The following DLGAP4 variants were observed in gnomAD, a reference collection of about 807,000 sequenced individuals.
DLGAP4 encodes disks large-associated protein 4.
In DLGAP4, 18 loss-of-function variants were observed where a neutral mutation model predicts 86.9. The observed-to-expected ratio is 0.21, with a 90% confidence interval of 0.14 to 0.31. The LOEUF is 0.31. Among genes scored for constraint, DLGAP4 ranks in the 10% least tolerant of loss-of-function variants. The pLI is 1.00. For synonymous variants in DLGAP4, 548 were observed against 574.3 expected (o/e 0.95, Z 0.65); for missense variants, 1,085 against 1,362.6 (o/e 0.80, Z 3.21).
At chr20:36,408,800 T>C (rs1326752145) in intron 2 of DLGAP4, among the ~76,000 whole-genome samples, 1 of 152,212 alleles carries the variant, frequency 6.6e-6, no homozygotes, top group East Asian at 1.9e-4. Flanking sequence ...AATGACTAAA[T>C]GCAATGCGGT....
At chr20:36,407,388 A>G (rs951056826) in intron 2 of DLGAP4, among the ~76,000 whole-genome samples, 1 of 152,094 alleles carries the variant, frequency 6.6e-6, no homozygotes. Context: ...TGCATTGTTC[A>G]TCCATTCATT....
intron 2 of DLGAP4, among the ~76,000 whole-genome samples, chr20:36,428,904 C>A (rs541123378): frequency 3.3e-5 from 5 of 152,268 alleles, no homozygotes; most frequent in South Asian, 2.1e-4. Context: ...AAGCAATCCT[C>A]CTGCCTTGGC....
intron 2 of DLGAP4, among the ~76,000 whole-genome samples, chr20:36,370,368 GGT>G (rs2030877971): frequency 1.3e-5 from 2 of 151,940 alleles, no homozygotes; most frequent in South Asian, 4.2e-4. Flanking sequence ...AGCTGAGTGT[GGT>G]GGCTACTTGG....
At chr20:36,498,444 A>G (rs2035982203) in intron 8 of DLGAP4, 1 of 152,262 alleles carries the variant, frequency 6.6e-6, no homozygotes, top group Admixed American at 6.5e-5. Flanking sequence ...TCTTCCCGGA[A>G]AGCCTAAGAG....
At chr20:36,425,692 G>A (rs1045502210) in intron 2 of DLGAP4, among the ~76,000 whole-genome samples, 10 of 150,006 alleles carry the variant, frequency 6.7e-5, no homozygotes, top group Non-Finnish European at 1.3e-4. Flanking sequence ...GCAGTGGCGG[G>A]CACCTGTAAT....
At chr20:36,416,058 A>G (rs2032644244) in intron 2 of DLGAP4, among the ~76,000 whole-genome samples, 1 of 152,156 alleles carries the variant, frequency 6.6e-6, no homozygotes, top group African/African-American at 2.4e-5. Flanking sequence ...GTATGTCCCC[A>G]TGGTCCTTTA....
chr20:36,377,546 G>A (rs2031205633), intron 2 of DLGAP4, among the ~76,000 whole-genome samples: 1 of 152,216 alleles, frequency 6.6e-6, no homozygotes, highest in South Asian at 2.1e-4. Flanking sequence ...AGATTCCTGG[G>A]CGTGTCACTT....
At chr20:36,364,101 G>GTTTTT (rs1242795026) in intron 1 of DLGAP4, among the ~76,000 whole-genome samples, 4 of 152,126 alleles carry the variant, frequency 2.6e-5, no homozygotes, top group Non-Finnish European at 5.9e-5. Flanking sequence ...GTTTTGTTTT[G>GTTTTT]TTTAAGTGTT....
At chr20:36,366,963 G>T (rs1230105570) in intron 1 of DLGAP4, 82 bp from the exon 2 acceptor site, 1 of 152,172 alleles carries the variant, frequency 6.6e-6, no homozygotes, top group Non-Finnish European at 1.5e-5. Context: ...CTTCCCTCGT[G>T]TCCCCAGGGC....
chr20:36,515,427 G>C (rs1337555066), intron 10 of DLGAP4, among the ~76,000 whole-genome samples: 2 of 152,040 alleles, frequency 1.3e-5, no homozygotes, highest in African/African-American at 4.8e-5. Context: ...TATTAATCAT[G>C]TCTCTTGTAA....
chr20:36,442,806 C>G, intron 6 of DLGAP4, 29 bp downstream of exon 6: 12 of 1,614,136 alleles, frequency 7.4e-6, no homozygotes, highest in Non-Finnish European at 1.0e-5. Flanking sequence ...CTCTTCCACC[C>G]CAATCCCAGA....
chr20:36,417,002 A>G (rs1471723726), intron 2 of DLGAP4, among the ~76,000 whole-genome samples: 1 of 152,174 alleles, frequency 6.6e-6, no homozygotes, highest in Non-Finnish European at 1.5e-5. Flanking sequence ...AAAATGAAAC[A>G]GGTGCGGTCC....
intron 7 of DLGAP4, among the ~76,000 whole-genome samples, chr20:36,466,738 G>A (rs769742800): frequency 3.9e-5 from 6 of 152,198 alleles, no homozygotes; most frequent in East Asian, 1.9e-4. Flanking sequence ...GCCCAGGGAC[G>A]GGTAGGGATG....
At position 36,443,766 on chromosome 20, in the gene DLGAP4, G is replaced by A. The variant is rs1046207798; in HGVS notation, c.1407+989G>A. ...TGGCCTCCCCACCGACAGCTCAAGA[G>A]CATCTTAACCAACACTGACAGACTC... On this transcript the variant is annotated intron_variant, in intron 6 of 12. Coordinates refer to ENST00000339266, the MANE Select transcript of DLGAP4 (RefSeq NM_001365621.2). Among the ~76,000 whole-genome samples, 5 of 152,166 alleles carry A rather than the reference G, an allele frequency of 3.3e-5. No individual in the cohort carries two copies. In the East Asian group the frequency reaches 9.7e-4, roughly 29 times the overall value.
intron 2 of DLGAP4, among the ~76,000 whole-genome samples, chr20:36,427,761 G>A (rs2033017167): frequency 6.6e-6 from 1 of 152,020 alleles, no homozygotes; most frequent in Non-Finnish European, 1.5e-5. Flanking sequence ...TGGTCAACAT[G>A]GTGAAAACCT....
intron 2 of DLGAP4, among the ~76,000 whole-genome samples, chr20:36,404,103 A>G (rs995622055): frequency 6.6e-6 from 1 of 152,244 alleles, no homozygotes; most frequent in Non-Finnish European, 1.5e-5. Context: ...TGTGAATACC[A>G]GGAGACGAGA....
At chr20:36,379,717 A>G (rs1379230595) in intron 2 of DLGAP4, among the ~76,000 whole-genome samples, 2 of 152,248 alleles carry the variant, frequency 1.3e-5, no homozygotes, top group Non-Finnish European at 2.9e-5. Context: ...CATTCGGCCC[A>G]GTGGCCAATT....
chr20:36,370,350 A>T lies in DLGAP4; in HGVS notation c.-73+3075A>T, dbSNP rs567081940. 9.0e-3 allele frequency among the ~76,000 whole-genome samples: 1,369 copies of T among 151,842 alleles called. 10 individuals are homozygous for T. Among genetic ancestry groups the T allele is most frequent in the Non-Finnish European group, 0.012 (844 of 67,938 alleles). On this transcript the variant is annotated intron_variant, in intron 2 of 12. Coordinates refer to ENST00000339266, the MANE Select transcript of DLGAP4 (RefSeq NM_001365621.2). ...CCTCATCTCTCCAAAAAAAAAAAAA[A>T]TTTAAATAGCTGAGTGTGGTGGCTA...
intron 1 of DLGAP4, among the ~76,000 whole-genome samples, chr20:36,343,322 G>A (rs2065403115): frequency 6.6e-6 from 1 of 152,180 alleles, no homozygotes; most frequent in South Asian, 2.1e-4. Context: ...TTGTCCCTGG[G>A]ATTCTAGTTT....
Sources: gnomAD v4.1 joint callset for allele counts (sites outside exome capture counted in the v4.1 genomes callset) on GRCh38, gnomAD v4.1.1 for gene constraint, MANE v1.5 for transcripts, NCBI Gene and HGNC (gene_info 2026-07-23, HGNC 2026-07-21) for gene names.